SPNS3: variants seen among roughly 807,000 people sequenced by gnomAD.
The protein encoded by SPNS3 is protein spinster homolog 3.
In SPNS3, 51 loss-of-function variants were observed where a neutral mutation model predicts 54.4. The ratio of observed to expected loss-of-function variants is 0.94; its 90% CI spans 0.75 to 1.18. The LOEUF is 1.18. Among genes scored for constraint, SPNS3 ranks in the 50% most tolerant of loss-of-function variants. SPNS3 has a pLI of 0.00. For missense variants in SPNS3, 669 were observed against 677.4 expected (o/e 0.99, Z 0.14); for synonymous variants, 309 against 294.7 (o/e 1.05, Z -0.50).
intron 2 of SPNS3, among the ~76,000 whole-genome samples, chr17:4,442,149 G>A (rs900265704): frequency 5.3e-5 from 8 of 152,080 alleles, no homozygotes; most frequent in Non-Finnish European, 1.0e-4. Flanking sequence ...TACCTTTTCC[G>A]GTTACCGTGC....
chr17:4,467,232 C>T (rs1971700940), intron 8 of SPNS3, among the ~76,000 whole-genome samples: 1 of 151,884 alleles, frequency 6.6e-6, no homozygotes, highest in African/African-American at 2.4e-5. Flanking sequence ...ATGTCACTGA[C>T]ATTGGAAGCC....
intron 4 of SPNS3, chr17:4,446,463 G>A (rs964602516): frequency 2.0e-6 from 1 of 496,418 alleles, no homozygotes; most frequent in Non-Finnish European, 3.6e-6. Flanking sequence ...ACTCGGCAGT[G>A]TGGCCCACCC....
chr17:4,446,292 C>T, intron 4 of SPNS3, 93 bp downstream of exon 4: 3 of 1,400,906 alleles, frequency 2.1e-6, no homozygotes. Context: ...AGAGGTCAAA[C>T]CAGGAGGGCT....
chr17:4,462,867 A>G (rs1413159550), intron 8 of SPNS3, among the ~76,000 whole-genome samples: 1 of 12,078 alleles, frequency 8.3e-5, no homozygotes, highest in Non-Finnish European at 1.7e-4. Flanking sequence ...CCACCCACCC[A>G]CCAATCCATC....
chr17:4,437,054 G>A (rs1238372272), intron 1 of SPNS3, among the ~76,000 whole-genome samples: 1 of 152,222 alleles, frequency 6.6e-6, no homozygotes, highest in Non-Finnish European at 1.5e-5. Flanking sequence ...TGCAAGAAAG[G>A]GGGCTGTGGT....
At chr17:4,481,886 C>CT (rs56148743) in intron 9 of SPNS3, 50 of 73,430 alleles carry the variant, frequency 6.8e-4, no homozygotes, top group Non-Finnish European at 6.3e-4. Flanking sequence ...CTCTCTCTCT[C>CT]TTTTTTTTTT....
chr17:4,476,364 ACCCTGT>A (rs1261591633), intron 8 of SPNS3, among the ~76,000 whole-genome samples: 1 of 151,888 alleles, frequency 6.6e-6, no homozygotes, highest in Non-Finnish European at 1.5e-5. Flanking sequence ...GCCGGGATCC[ACCCTGT>A]CCCAGCTGGA....
chr17:4,435,812 A>C (rs914344597), intron 1 of SPNS3, among the ~76,000 whole-genome samples: 1 of 152,136 alleles, frequency 6.6e-6, no homozygotes, highest in Non-Finnish European at 1.5e-5. Flanking sequence ...CACGCCTGTA[A>C]TCCCAGCTAC....
chr17:4,437,936 G>A (rs1454470946), intron 1 of SPNS3, among the ~76,000 whole-genome samples: 1 of 151,926 alleles, frequency 6.6e-6, no homozygotes, highest in Non-Finnish European at 1.5e-5. Flanking sequence ...ACAGGCCTGT[G>A]CCACAACATC....
chr17:4,478,497 CACAGGTGGGAAGCA>C, intron 8 of SPNS3, 61 bp from the exon 9 acceptor site: 4 of 1,375,200 alleles, frequency 2.9e-6, no homozygotes, highest in Non-Finnish European at 4.0e-6. Flanking sequence ...CTCTCCTCTC[CACAGGTGGGAAGCA>C]ACAGGTGGGG....
rs201472962 is a variant in SPNS3 at position 4,487,932 on chromosome 17, G to A, written c.*38G>A. 2.6e-5 allele frequency: 41 copies of A among 1,586,558 alleles called. No homozygotes were observed. The highest frequency in any genetic ancestry group is 2.3e-4 in the African/African-American group (17 of 74,722). On this transcript the variant is annotated 3_prime_UTR_variant, in exon 12 of 12. Coordinates refer to ENST00000355530, the MANE Select transcript of SPNS3 (RefSeq NM_182538.5). ...CACTCGTCCTGCCTGCAAGCCTCCC[G>A]TTGGTCCCCACAGCAGCAGTGCCTC...
chr17:4,473,059 G>C (rs552405572), intron 8 of SPNS3, among the ~76,000 whole-genome samples: 1 of 152,046 alleles, frequency 6.6e-6, no homozygotes, highest in South Asian at 2.1e-4. Context: ...AAAGTGTTGG[G>C]ATTATAGGTG....
At position 4,445,014 on chromosome 17, in the gene SPNS3, C is replaced by T. The variant is rs775802089; in HGVS notation, c.266-18C>T. ...CGGTCGTGGGGGGATCCAGGCTGCC[C>T]CTGTGTGTCTCCTTCAGTCTTCGTT... is the stretch of plus-strand genomic sequence containing the variant. On this transcript the variant is annotated intron_variant, in intron 2 of 11. Coordinates refer to ENST00000355530, the MANE Select transcript of SPNS3 (RefSeq NM_182538.5). 6.0e-5 allele frequency: 97 copies of T among 1,610,492 alleles called. No homozygotes were observed. Among genetic ancestry groups the T allele is most frequent in the Non-Finnish European group, 7.9e-5 (93 of 1,177,926 alleles).
In SPNS3 at chr17:4,439,730, A is replaced by G. The variant is rs1229137885; in HGVS notation, c.265+7A>G. 4.3e-6 allele frequency: 7 copies of G among 1,610,788 alleles called. No individual in the cohort carries two copies. Among genetic ancestry groups the G allele is most frequent in the South Asian group, 3.3e-5 (3 of 90,290 alleles). On this transcript the variant is annotated splice_region_variant and intron_variant, in intron 2 of 11. Coordinates refer to ENST00000355530, the MANE Select transcript of SPNS3 (RefSeq NM_182538.5). ...GCTGGTTTGCTTCAGACTGGTAAGG[A>G]GGAGCCCTGGCTCTGGAGCCGGGGC...
chr17:4,440,216 C>T (rs1237445343), intron 2 of SPNS3, among the ~76,000 whole-genome samples: 1 of 152,206 alleles, frequency 6.6e-6, no homozygotes, highest in Non-Finnish European at 1.5e-5. Context: ...CAGGGAGCAG[C>T]CACACGTCCC....
chr17:4,481,245 G>C (rs1567576407), intron 9 of SPNS3, among the ~76,000 whole-genome samples: 1 of 151,950 alleles, frequency 6.6e-6, no homozygotes, highest in Non-Finnish European at 1.5e-5. Context: ...CCATGTTTGA[G>C]GGTGAGCTGG....
chr17:4,468,725 C>CTTTCTTTCTTTCT (rs1971757511), intron 8 of SPNS3, among the ~76,000 whole-genome samples: 1 of 131,322 alleles, frequency 7.6e-6, no homozygotes, highest in Non-Finnish European at 1.6e-5. Context: ...TCTTTCTTTT[C>CTTTCTTTCTTTCT]TTTCTTTCTT....
At chr17:4,487,234 C>G (rs8069102) in intron 11 of SPNS3, among the ~76,000 whole-genome samples, 1 of 149,302 alleles carries the variant, frequency 6.7e-6, no homozygotes, top group Non-Finnish European at 1.5e-5. Flanking sequence ...ACTGCACAGG[C>G]GAAACTAGAG....
intron 4 of SPNS3, 108 bp from the exon 5 acceptor site, chr17:4,446,788 A>G (rs1970999805): frequency 1.0e-6 from 1 of 999,472 alleles, no homozygotes; most frequent in Admixed American, 1.8e-5. Context: ...GCCTGCAGAG[A>G]GCCAGCTCCC....
Sources: gnomAD v4.1 joint callset for allele counts (sites outside exome capture counted in the v4.1 genomes callset) on GRCh38, gnomAD v4.1.1 for gene constraint, MANE v1.5 for transcripts, NCBI Gene and HGNC (gene_info 2026-07-23, HGNC 2026-07-21) for gene names.